Variants in FLVCR2 observed in about 807,000 individuals in gnomAD.
The protein encoded by FLVCR2 is FLVCR choline and putative heme transporter 2.
In FLVCR2, 38 loss-of-function variants were observed where a neutral mutation model predicts 48.9. The ratio of observed to expected loss-of-function variants is 0.78; its 90% CI spans 0.60 to 1.02. The LOEUF (loss-of-function observed/expected upper bound fraction) is 1.02, where lower values mean the gene tolerates loss of function less well. Among genes scored for constraint, FLVCR2 ranks in the 50% least tolerant of loss-of-function variants. The pLI is 0.00. For synonymous variants in FLVCR2, 255 were observed against 257.0 expected (o/e 0.99, Z 0.07); for missense variants, 664 against 663.3 (o/e 1.00, Z -0.01).
At chr14:75,602,787 C>A (rs76494048) in intron 1 of FLVCR2, among the ~76,000 whole-genome samples, 97 of 152,080 alleles carry the variant, frequency 6.4e-4, no homozygotes, top group African/African-American at 2.2e-3. Flanking sequence ...ATGTACTTAA[C>A]GCTGCTGAAC....
chr14:75,596,964 T>C (rs1373206335), intron 1 of FLVCR2, among the ~76,000 whole-genome samples: 1 of 152,166 alleles, frequency 6.6e-6, no homozygotes, highest in African/African-American at 2.4e-5. Flanking sequence ...GTATTTTATG[T>C]CTTAAAACTG....
At chr14:75,631,647 C>T (rs1890040593) in intron 3 of FLVCR2, 1 of 404,040 alleles carries the variant, frequency 2.5e-6, no homozygotes, top group African/African-American at 2.0e-5. Flanking sequence ...CATTCCTTGC[C>T]CTTTGCAGTA....
At chr14:75,613,896 C>T (rs1008265184) in intron 1 of FLVCR2, among the ~76,000 whole-genome samples, 1 of 152,184 alleles carries the variant, frequency 6.6e-6, no homozygotes, top group African/African-American at 2.4e-5. Context: ...CATCATGCCC[C>T]TTTACATAGT....
intron 1 of FLVCR2, among the ~76,000 whole-genome samples, chr14:75,621,785 G>A (rs368480198): frequency 8.5e-5 from 13 of 152,158 alleles, no homozygotes; most frequent in African/African-American, 2.7e-4. Context: ...TGGGAGTAGA[G>A]GAACCATTTT....
intron 1 of FLVCR2, chr14:75,605,491 T>A: frequency 6.6e-7 from 1 of 1,524,158 alleles, no homozygotes; most frequent in Non-Finnish European, 8.8e-7. Flanking sequence ...ATTACAGGCA[T>A]CTTTCCTTTT....
chr14:75,628,454 TA>T (rs951596100), intron 3 of FLVCR2, among the ~76,000 whole-genome samples: 10 of 152,352 alleles, frequency 6.6e-5, no homozygotes, highest in Non-Finnish European at 1.2e-4. Flanking sequence ...CCAGTCCTCC[TA>T]ATCCCCTTGC....
At chr14:75,588,601 C>T (rs1308121316) in intron 1 of FLVCR2, among the ~76,000 whole-genome samples, 1 of 152,152 alleles carries the variant, frequency 6.6e-6, no homozygotes, top group Non-Finnish European at 1.5e-5. Context: ...GCCTCAGCCT[C>T]CAGAGTAACT....
chr14:75,637,224 G>A (rs1372178548), intron 5 of FLVCR2, among the ~76,000 whole-genome samples: 1 of 152,218 alleles, frequency 6.6e-6, no homozygotes, highest in Non-Finnish European at 1.5e-5. Context: ...AGTGGCCTGA[G>A]CTTCAGTTTC....
At chr14:75,615,380 A>G (rs1233556420) in intron 1 of FLVCR2, among the ~76,000 whole-genome samples, 1 of 152,164 alleles carries the variant, frequency 6.6e-6, no homozygotes. Flanking sequence ...CCAGGGTAGG[A>G]TGATGGTTTG....
At chr14:75,614,907 C>T (rs954583955) in intron 1 of FLVCR2, among the ~76,000 whole-genome samples, 2 of 152,198 alleles carry the variant, frequency 1.3e-5, no homozygotes, top group Non-Finnish European at 2.9e-5. Flanking sequence ...TGAGAACTCA[C>T]TACCATGAGA....
chr14:75,641,372 G>A, intron 8 of FLVCR2, 79 bp downstream of exon 8: 1 of 892,956 alleles, frequency 1.1e-6, no homozygotes, highest in South Asian at 1.3e-5. Context: ...CAACAGATAG[G>A]GAGTACGTAC....
At chr14:75,610,959 A>G (rs988342787) in intron 1 of FLVCR2, among the ~76,000 whole-genome samples, 2 of 152,226 alleles carry the variant, frequency 1.3e-5, no homozygotes, top group South Asian at 4.1e-4. Flanking sequence ...TGAGCTGCAC[A>G]GTTCTAAGAG....
intron 9 of FLVCR2, among the ~76,000 whole-genome samples, chr14:75,642,612 T>C (rs8020109): frequency 0.016 from 2,427 of 152,234 alleles, 82 homozygotes; most frequent in African/African-American, 0.055. Context: ...AAAAAACTTA[T>C]AGAGGTAATA....
rs765403477 is a variant in FLVCR2 at position 75,579,257 on chromosome 14, C to T, written c.285C>T (p.Ser95=). ...WAVVLVFSCY[S]MCNSFQWIQY... ...TGGTCCTGGTGTTTAGCTGCTACTC[C>T]ATGTGCAACTCCTTTCAGTGGATCC... The change falls in exon 1 of 10, where the codon TCC becomes TCT. Residue 95 remains serine, a synonymous_variant. Transcript: ENST00000238667. 6.2e-7 allele frequency: 1 copy of T among 1,614,228 alleles called. No homozygotes were observed. Among genetic ancestry groups the T allele is most frequent in the South Asian group, 1.1e-5 (1 of 91,078 alleles).
chr14:75,620,845 T>G (rs1331290163), intron 1 of FLVCR2, among the ~76,000 whole-genome samples: 2 of 152,168 alleles, frequency 1.3e-5, no homozygotes, highest in Non-Finnish European at 2.9e-5. Flanking sequence ...AGATTGGCAG[T>G]TGATGGATGA....
chr14:75,601,086 C>T (rs997771635), intron 1 of FLVCR2, among the ~76,000 whole-genome samples: 9 of 152,290 alleles, frequency 5.9e-5, no homozygotes, highest in East Asian at 5.8e-4. Context: ...GATTTACCCA[C>T]GTATTTATTA....
At chr14:75,605,912 G>C in intron 1 of FLVCR2, 1 of 444,440 alleles carries the variant, frequency 2.3e-6, no homozygotes, top group South Asian at 2.5e-5. Context: ...GGTTGACATG[G>C]CTGGGTCTCC....
At chr14:75,639,586 A>G (rs1290313820) in intron 6 of FLVCR2, 124 bp downstream of exon 6, 2 of 751,378 alleles carry the variant, frequency 2.7e-6, no homozygotes, top group African/African-American at 3.4e-5. Flanking sequence ...AGATATGGAC[A>G]TGGTGCCCAG....
At chr14:75,632,147 A>G (rs924541897) in intron 3 of FLVCR2, among the ~76,000 whole-genome samples, 1 of 152,230 alleles carries the variant, frequency 6.6e-6, no homozygotes, top group African/African-American at 2.4e-5. Context: ...AAGCAGAGTG[A>G]TTAAGATCAA....
Sources: allele counts gnomAD v4.1 joint callset (sites outside exome capture counted in the v4.1 genomes callset), GRCh38; gene constraint gnomAD v4.1.1; transcripts MANE v1.5; gene names NCBI Gene and HGNC (gene_info 2026-07-23, HGNC 2026-07-21).